The following LHFPL6 variants were observed in gnomAD, a reference collection of about 807,000 sequenced individuals.
The protein encoded by LHFPL6 is LHFPL tetraspan subfamily member 6 protein.
Under a neutral mutation model 20.6 loss-of-function variants are expected in LHFPL6, and 9 were observed. The observed-to-expected ratio is 0.44, with a 90% CI of 0.26 to 0.76. The LOEUF (loss-of-function observed/expected upper bound fraction) is 0.76. Ranked by LOEUF, LHFPL6 falls within the 30% of genes least tolerant of loss-of-function variation. The pLI is 0.20. For missense variants in LHFPL6, 218 were observed against 253.5 expected (o/e 0.86, Z 0.95); for synonymous variants, 105 against 98.7 (o/e 1.06, Z -0.38).
chr13:39,520,811 A>G (rs1392252947), intron 2 of LHFPL6, among the ~76,000 whole-genome samples: 1 of 152,156 alleles, frequency 6.6e-6, no homozygotes, highest in Non-Finnish European at 1.5e-5. Flanking sequence ...TGCACATTAG[A>G]ATCACTGATG....
At chr13:39,377,191 T>C (rs1593290564) in intron 3 of LHFPL6, among the ~76,000 whole-genome samples, 1 of 152,204 alleles carries the variant, frequency 6.6e-6, no homozygotes, top group Non-Finnish European at 1.5e-5. Context: ...TCCAGAACAA[T>C]CCCACTTCTT....
intron 2 of LHFPL6, among the ~76,000 whole-genome samples, chr13:39,434,261 C>T (rs1222402830): frequency 6.6e-6 from 1 of 152,126 alleles, no homozygotes; most frequent in Non-Finnish European, 1.5e-5. Flanking sequence ...GCCTTTACAA[C>T]ATCTTTGTAA....
chr13:39,498,705 C>G lies in LHFPL6; in HGVS notation c.385+102127G>C, dbSNP rs1303266695. 2.0e-5 allele frequency among the ~76,000 whole-genome samples: 3 copies of G among 152,322 alleles called. No individual in the cohort carries two copies. The East Asian group carries it at 5.8e-4, about 29-fold the overall frequency. On this transcript the variant is annotated intron_variant, in intron 2 of 3. Transcript: ENST00000379589. ...GTAACAAAAAGGCACTGCCAGCTCT[C>G]TGTGCTAACAATTCAAGGATAAAGG... is the stretch of plus-strand genomic sequence containing the variant.
chr13:39,579,303 G>A (rs1872210124), intron 2 of LHFPL6, among the ~76,000 whole-genome samples: 1 of 152,200 alleles, frequency 6.6e-6, no homozygotes, highest in Non-Finnish European at 1.5e-5. Flanking sequence ...TGAAACAAAT[G>A]TGATAGTGCA....
At chr13:39,593,260 C>A (rs542935473) in intron 2 of LHFPL6, among the ~76,000 whole-genome samples, 2 of 152,220 alleles carry the variant, frequency 1.3e-5, no homozygotes, top group Non-Finnish European at 2.9e-5. Context: ...AGCTGATAGG[C>A]AACTTCAGCA....
intron 2 of LHFPL6, among the ~76,000 whole-genome samples, chr13:39,514,938 T>C (rs1869853527): frequency 6.6e-6 from 1 of 152,308 alleles, no homozygotes; most frequent in South Asian, 2.1e-4. Context: ...CAAGAATGTG[T>C]AAGATGAACA....
At chr13:39,375,909 C>T (rs1209536279) in intron 3 of LHFPL6, among the ~76,000 whole-genome samples, 1 of 151,664 alleles carries the variant, frequency 6.6e-6, no homozygotes, top group Non-Finnish European at 1.5e-5. Context: ...ATTAACCAAT[C>T]TAAGGAAATT....
chr13:39,541,725 G>A (rs1208109638), intron 2 of LHFPL6, among the ~76,000 whole-genome samples: 1 of 152,110 alleles, frequency 6.6e-6, no homozygotes, highest in South Asian at 2.1e-4. Flanking sequence ...AGGGATCACC[G>A]TATTTATTTT....
At chr13:39,588,065 A>G (rs1872504555) in intron 2 of LHFPL6, among the ~76,000 whole-genome samples, 2 of 152,092 alleles carry the variant, frequency 1.3e-5, no homozygotes, top group South Asian at 4.2e-4. Context: ...TTTACAGCCA[A>G]GCAGGGAAAG....
chr13:39,402,363 T>C (rs1382576228), intron 2 of LHFPL6, among the ~76,000 whole-genome samples: 1 of 152,156 alleles, frequency 6.6e-6, no homozygotes, highest in Non-Finnish European at 1.5e-5. Context: ...TGGCTGGGAC[T>C]ATAGGCACGC....
At chr13:39,444,729 C>A (rs1415057005) in intron 2 of LHFPL6, among the ~76,000 whole-genome samples, 1 of 152,192 alleles carries the variant, frequency 6.6e-6, no homozygotes, top group African/African-American at 2.4e-5. Context: ...GGGGCCATGG[C>A]AGCCTCCATC....
chr13:39,437,958 G>A (rs1872010141), intron 2 of LHFPL6, among the ~76,000 whole-genome samples: 1 of 152,106 alleles, frequency 6.6e-6, no homozygotes, highest in Middle Eastern at 3.4e-3. Flanking sequence ...GAGGGACACT[G>A]CTATAAAGAT....
chr13:39,361,885 C>T (rs997072375), intron 3 of LHFPL6, among the ~76,000 whole-genome samples: 3 of 151,898 alleles, frequency 2.0e-5, no homozygotes, highest in African/African-American at 4.8e-5. Context: ...TAAGTATCTA[C>T]GGTTGGGAGG....
At chr13:39,389,874 TC>T (rs1870659328) in intron 2 of LHFPL6, among the ~76,000 whole-genome samples, 1 of 152,162 alleles carries the variant, frequency 6.6e-6, no homozygotes, top group African/African-American at 2.4e-5. Context: ...CCCTGGGGCT[TC>T]TACTTCAGCT....
At chr13:39,466,323 T>A (rs964568319) in intron 2 of LHFPL6, among the ~76,000 whole-genome samples, 2 of 152,174 alleles carry the variant, frequency 1.3e-5, no homozygotes, top group African/African-American at 4.8e-5. Flanking sequence ...AAGAGGAATA[T>A]CTCCCAATTT....
intron 2 of LHFPL6, among the ~76,000 whole-genome samples, chr13:39,505,467 G>A (rs1430058176): frequency 2.0e-5 from 3 of 151,772 alleles, no homozygotes; most frequent in African/African-American, 4.8e-5. Context: ...TGGAGGAAAA[G>A]AGAACTTCAG....
At chr13:39,522,356 G>A (rs1870134838) in intron 2 of LHFPL6, among the ~76,000 whole-genome samples, 1 of 152,190 alleles carries the variant, frequency 6.6e-6, no homozygotes, top group African/African-American at 2.4e-5. Context: ...TTAAACTCGC[G>A]TAGTCTGGCT....
Position 39,544,862 on chromosome 13 carries a change from G to T in LHFPL6, c.385+55970C>A, listed in dbSNP as rs143652629. Among the ~76,000 whole-genome samples, 57 of 151,984 alleles carry T rather than the reference G, an allele frequency of 3.8e-4. No homozygotes were observed. The East Asian group carries it at 9.7e-3, about 26-fold the overall frequency. ...TGTTCATTGAATTAATTATATAAAG[G>T]TTATTTAATAAATAACACCAAACTT... On this transcript the variant is annotated intron_variant, in intron 2 of 3. Transcript: ENST00000379589.
intron 2 of LHFPL6, among the ~76,000 whole-genome samples, chr13:39,455,515 A>T (rs1446019563): frequency 6.6e-6 from 1 of 152,208 alleles, no homozygotes; most frequent in Non-Finnish European, 1.5e-5. Flanking sequence ...AAAAATAATG[A>T]CCTTTATTCT....
Sources: allele counts gnomAD v4.1 joint callset (sites outside exome capture counted in the v4.1 genomes callset), GRCh38; gene constraint gnomAD v4.1.1; transcripts MANE v1.5; gene names NCBI Gene and HGNC (gene_info 2026-07-23, HGNC 2026-07-21).